ADAMTS12: variants seen among roughly 807,000 people sequenced by gnomAD.
The protein encoded by ADAMTS12 is A disintegrin and metalloproteinase with thrombospondin motifs 12.
Under a neutral mutation model 167.8 loss-of-function variants are expected in ADAMTS12, and 118 were observed. The observed-to-expected ratio is 0.70, with a 90% CI of 0.61 to 0.82. The LOEUF is 0.82. Among genes scored for constraint, ADAMTS12 ranks in the 40% least tolerant of loss-of-function variants. The probability of loss-of-function intolerance (pLI) is 0.00; values close to 1 mark genes in which losing one functional copy is unlikely to be tolerated. For missense variants in ADAMTS12, 1,916 were observed against 1,998.8 expected, an observed-to-expected ratio of 0.96 and a Z score of 0.79; for synonymous variants, 704 against 716.9, an observed-to-expected ratio of 0.98 and a Z score of 0.29.
intron 18 of ADAMTS12, among the ~76,000 whole-genome samples, chr5:33,586,922 A>G (rs1317673883): frequency 6.6e-6 from 1 of 152,188 alleles, no homozygotes; most frequent in Non-Finnish European, 1.5e-5. Context: ...ATTTGTATGT[A>G]GGTATATTTC....
chr5:33,694,101 G>A (rs1742658757), intron 3 of ADAMTS12, among the ~76,000 whole-genome samples: 1 of 152,176 alleles, frequency 6.6e-6, no homozygotes, highest in Admixed American at 6.5e-5. Flanking sequence ...TGACCAGGCA[G>A]GTGAAAGATC....
intron 14 of ADAMTS12, among the ~76,000 whole-genome samples, chr5:33,621,219 G>GA (rs1739309593): frequency 6.6e-6 from 1 of 151,960 alleles, no homozygotes; most frequent in African/African-American, 2.4e-5. Flanking sequence ...CCAATATGGT[G>GA]AAACTCCATT....
intron 2 of ADAMTS12, among the ~76,000 whole-genome samples, chr5:33,770,044 G>A (rs1251363387): frequency 6.6e-6 from 1 of 152,058 alleles, no homozygotes; most frequent in East Asian, 1.9e-4. Context: ...TCATGTCTGG[G>A]GATGGTGGGT....
intron 3 of ADAMTS12, among the ~76,000 whole-genome samples, chr5:33,735,456 G>A (rs542548781): frequency 2.0e-5 from 3 of 152,270 alleles, no homozygotes; most frequent in Admixed American, 6.5e-5. Flanking sequence ...AGGTAAAATC[G>A]AGGATATTAT....
At chr5:33,648,776 C>T in intron 9 of ADAMTS12, 46 bp downstream of exon 9, 1 of 1,609,062 alleles carries the variant, frequency 6.2e-7, no homozygotes, top group African/African-American at 1.3e-5. Flanking sequence ...CTTCAGCATG[C>T]TGGAGATCTG....
At chr5:33,810,371 C>T (rs536066709) in intron 2 of ADAMTS12, among the ~76,000 whole-genome samples, 1 of 152,206 alleles carries the variant, frequency 6.6e-6, no homozygotes, top group African/African-American at 2.4e-5. Flanking sequence ...ATAACAACTA[C>T]GTTTCATTTT....
intron 3 of ADAMTS12, among the ~76,000 whole-genome samples, chr5:33,684,542 C>A (rs1340963814): frequency 6.6e-6 from 1 of 152,138 alleles, no homozygotes; most frequent in Non-Finnish European, 1.5e-5. Flanking sequence ...AGTAAAAGAT[C>A]CAGTACTTTC....
intron 22 of ADAMTS12, among the ~76,000 whole-genome samples, chr5:33,535,285 C>CT (rs1307797625): frequency 1.3e-5 from 2 of 152,192 alleles, no homozygotes; most frequent in Non-Finnish European, 2.9e-5. Flanking sequence ...CGCCACATGG[C>CT]TACAGCACTG....
At position 33,846,646 on chromosome 5, in the gene ADAMTS12, G is replaced by A. The variant is rs574648683; in HGVS notation, c.489+34473C>T. Among the ~76,000 whole-genome samples, 147 of 152,320 alleles carry A rather than the reference G, an allele frequency of 9.7e-4. No homozygotes were observed. In the South Asian group the frequency reaches 0.011, roughly 12 times the overall value. ...CTTCAAAGGCAAAGTTAGAGATCTT[G>A]ATGGGGGTGGGGGTAGCTACATCTT... is the stretch of plus-strand genomic sequence containing the variant. On this transcript the variant is annotated intron_variant, in intron 2 of 23. Coordinates refer to ENST00000504830, the MANE Select transcript of ADAMTS12 (RefSeq NM_030955.4).
chr5:33,661,793 A>G lies in ADAMTS12; in HGVS notation c.1040+123T>C, dbSNP rs940570525. On this transcript the variant is annotated intron_variant, in intron 6 of 23. Transcript: ENST00000504830. ...GTCAGGAGTTGACTAGATCAAAGAC[A>G]CTGTCTTTACAAGAGCAGCAAAGAA... is the stretch of plus-strand genomic sequence containing the variant. 2.2e-6 allele frequency: 3 copies of G among 1,374,180 alleles called. No individual in the cohort carries two copies. In the African/African-American group the frequency reaches 4.3e-5, roughly 20 times the overall value. The allele number at this position is 1,374,180 out of a possible 1,614,324, so 85.1% of individuals were successfully genotyped here.
At chr5:33,846,652 G>C (rs1748956995) in intron 2 of ADAMTS12, among the ~76,000 whole-genome samples, 1 of 152,184 alleles carries the variant, frequency 6.6e-6, no homozygotes, top group Admixed American at 6.5e-5. Context: ...TCTTGATGGG[G>C]GTGGGGGTAG....
intron 22 of ADAMTS12, among the ~76,000 whole-genome samples, chr5:33,541,736 A>G (rs1322183302): frequency 3.3e-5 from 5 of 152,214 alleles, no homozygotes; most frequent in African/African-American, 1.2e-4. Flanking sequence ...CAACCAAACT[A>G]AGCTTCATAA....
chr5:33,723,478 T>C (rs1439860452), intron 3 of ADAMTS12, among the ~76,000 whole-genome samples: 1 of 152,180 alleles, frequency 6.6e-6, no homozygotes, highest in Non-Finnish European at 1.5e-5. Context: ...CTTGGCCTCA[T>C]GGTTCTCCAC....
chr5:33,815,957 T>A (rs1051664189), intron 2 of ADAMTS12, among the ~76,000 whole-genome samples: 23 of 152,130 alleles, frequency 1.5e-4, no homozygotes, highest in Non-Finnish European at 4.4e-5. Context: ...GTCCTCCTGG[T>A]CTCCGTCTGC....
chr5:33,662,641 C>CA (rs1290784533), intron 5 of ADAMTS12, among the ~76,000 whole-genome samples: 1 of 152,190 alleles, frequency 6.6e-6, no homozygotes, highest in Non-Finnish European at 1.5e-5. Flanking sequence ...CCTGCAGCTT[C>CA]AAGGGCTTCT....
At chr5:33,798,351 C>T (rs1746858090) in intron 2 of ADAMTS12, among the ~76,000 whole-genome samples, 1 of 151,378 alleles carries the variant, frequency 6.6e-6, no homozygotes, top group Non-Finnish European at 1.5e-5. Context: ...CTCCCAAGAA[C>T]CCTCTCCTTG....
At chr5:33,769,520 G>C (rs1241971465) in intron 2 of ADAMTS12, among the ~76,000 whole-genome samples, 4 of 152,158 alleles carry the variant, frequency 2.6e-5, no homozygotes, top group Admixed American at 6.5e-5. Context: ...GACTTAAAAT[G>C]AGTCCATTTT....
intron 22 of ADAMTS12, among the ~76,000 whole-genome samples, chr5:33,543,956 C>T (rs1337738841): frequency 1.3e-5 from 2 of 152,152 alleles, no homozygotes; most frequent in Non-Finnish European, 2.9e-5. Flanking sequence ...TGGCACAAGA[C>T]AGGGATGCCC....
chr5:33,670,744 A>G (rs1741658115), intron 5 of ADAMTS12, among the ~76,000 whole-genome samples: 1 of 152,244 alleles, frequency 6.6e-6, no homozygotes, highest in Admixed American at 6.5e-5. Flanking sequence ...CTCTATCTCA[A>G]AAAACAAACA....
Sources: allele counts gnomAD v4.1 joint callset (sites outside exome capture counted in the v4.1 genomes callset), GRCh38; gene constraint gnomAD v4.1.1; transcripts MANE v1.5; gene names NCBI Gene and HGNC (gene_info 2026-07-23, HGNC 2026-07-21).